Variants in SCOC observed in about 807,000 individuals in gnomAD.
The protein encoded by SCOC is short coiled coil protein.
A neutral mutation model predicts 9.9 loss-of-function variants in SCOC; 7 were observed. The ratio of observed to expected loss-of-function variants is 0.71; its 90% CI spans 0.40 to 1.33. SCOC has a LOEUF of 1.33. Ranked by LOEUF, SCOC falls within the 40% of genes most tolerant of loss-of-function variation. SCOC has a pLI of 0.01. For synonymous variants in SCOC, 19 were observed against 28.2 expected, an observed-to-expected ratio of 0.67 and a Z score of 1.03; for missense variants, 66 against 89.7, an observed-to-expected ratio of 0.74 and a Z score of 1.07.
At chr4:140,303,055 A>G (rs1731858037) in intron 1 of SCOC, among the ~76,000 whole-genome samples, 1 of 152,218 alleles carries the variant, frequency 6.6e-6, no homozygotes, top group Admixed American at 6.5e-5. Context: ...TGTGCCACAC[A>G]TGCTGGGACT....
At chr4:140,284,996 T>C (rs1205005640) in intron 1 of SCOC, 1 of 285,944 alleles carries the variant, frequency 3.5e-6, no homozygotes, top group Non-Finnish European at 7.0e-6. Flanking sequence ...AATTGAAAAC[T>C]CTCATGATAA....
chr4:140,287,350 T>G (rs1452277980), intron 1 of SCOC, among the ~76,000 whole-genome samples: 1 of 151,272 alleles, frequency 6.6e-6, no homozygotes, highest in Non-Finnish European at 1.5e-5. Flanking sequence ...ACACATCATG[T>G]GCACATGCCA....
chr4:140,280,181 A>G (rs1479694396), intron 1 of SCOC, among the ~76,000 whole-genome samples: 2 of 152,022 alleles, frequency 1.3e-5, no homozygotes, highest in South Asian at 2.1e-4. Context: ...CAGTGGCGTG[A>G]CCTCAGCTCA....
rs193090219 is a variant in SCOC, at chr4:140,336,011, C to T, written c.-18-7610C>T. ...TGTTTCAATAATAAAGATGTGCATT[C>T]TTATCTTGACCTCCTTTGATGCAGG... On this transcript the variant is annotated intron_variant, in intron 1 of 4. Transcript: ENST00000394205. 4.3e-3 allele frequency among the ~76,000 whole-genome samples: 655 copies of T among 152,200 alleles called. 5 individuals are homozygous for T. Among genetic ancestry groups the T allele is most frequent in the Non-Finnish European group, 6.9e-3 (466 of 68,008 alleles).
intron 1 of SCOC, among the ~76,000 whole-genome samples, chr4:140,264,310 GT>G (rs1306110323): frequency 6.6e-6 from 1 of 152,162 alleles, no homozygotes; most frequent in Non-Finnish European, 1.5e-5. Context: ...GAAGGAAGTG[GT>G]GGTTAATGTG....
chr4:140,314,866 C>CA (rs1377780654), intron 1 of SCOC, among the ~76,000 whole-genome samples: 2 of 151,854 alleles, frequency 1.3e-5, no homozygotes, highest in African/African-American at 4.8e-5. Context: ...TCCACCCCCC[C>CA]ACCAAGTTCT....
intron 1 of SCOC, among the ~76,000 whole-genome samples, chr4:140,310,587 T>C (rs1732124192): frequency 6.6e-6 from 1 of 152,226 alleles, no homozygotes; most frequent in Non-Finnish European, 1.5e-5. Context: ...CCCTCGTGCA[T>C]TCCTGCTTTG....
intron 2 of SCOC, among the ~76,000 whole-genome samples, chr4:140,357,381 T>C (rs192152011): frequency 6.6e-6 from 1 of 152,338 alleles, no homozygotes; most frequent in Non-Finnish European, 1.5e-5. Context: ...CCAGTAAATT[T>C]GTCTTCAAAT....
chr4:140,363,410 A>C (rs1267406873), intron 2 of SCOC, among the ~76,000 whole-genome samples: 1 of 152,202 alleles, frequency 6.6e-6, no homozygotes, highest in Admixed American at 6.5e-5. Context: ...AAATTCACAA[A>C]CTTCATAGCC....
At chr4:140,377,827 G>C (rs1019310015) in intron 1 of SCOC, among the ~76,000 whole-genome samples, 3 of 152,130 alleles carry the variant, frequency 2.0e-5, no homozygotes, top group Non-Finnish European at 2.9e-5. Context: ...TAATAGGTCT[G>C]CTTTCTACTG....
intron 1 of SCOC, among the ~76,000 whole-genome samples, chr4:140,287,123 TAC>T (rs1169354849): frequency 6.7e-6 from 1 of 148,870 alleles, no homozygotes; most frequent in Admixed American, 6.7e-5. Context: ...ACACACATGC[TAC>T]ACACACATCA....
In SCOC at chr4:140,272,953, G is replaced by A. The variant is rs778688231; in HGVS notation, c.-19+15543G>A. Among the ~76,000 whole-genome samples the A allele has an allele frequency of 2.0e-5, 3 of 152,264 alleles. No individual in the cohort carries two copies. In the East Asian group the frequency reaches 5.8e-4, roughly 29 times the overall value. On this transcript the variant is annotated intron_variant, in intron 1 of 4. Coordinates refer to the SCOC transcript ENST00000394205. The stretch of plus-strand genomic sequence containing the variant: ...CCATTCAGTGCCTTTCAAATTCTCC[G>A]AAGGCCCCTCTTTTCTTACTGTTTC...
intron 2 of SCOC, among the ~76,000 whole-genome samples, chr4:140,351,696 C>T (rs1726985960): frequency 1.3e-5 from 2 of 151,960 alleles, no homozygotes; most frequent in Admixed American, 1.3e-4. Flanking sequence ...GAAAAGCTTT[C>T]AGAAGGCCAT....
chr4:140,280,451 A>G (rs992357761), intron 1 of SCOC, among the ~76,000 whole-genome samples: 2 of 152,106 alleles, frequency 1.3e-5, no homozygotes, highest in South Asian at 2.1e-4. Flanking sequence ...TTTACTCACC[A>G]CTGTGTTTTC....
At chr4:140,355,583 G>A (rs1727192977) in intron 2 of SCOC, among the ~76,000 whole-genome samples, 1 of 152,152 alleles carries the variant, frequency 6.6e-6, no homozygotes, top group Admixed American at 6.6e-5. Context: ...TACTGACTAG[G>A]TAGAAGCAAT....
upstream of SCOC, among the ~76,000 whole-genome samples, chr4:140,369,772 G>C (rs1483682455): frequency 6.7e-6 from 1 of 150,232 alleles, no homozygotes; most frequent in East Asian, 2.0e-4. Context: ...CAGGTCGCAT[G>C]AATGTTCACC....
intron 1 of SCOC, chr4:140,374,415 A>C (rs1418723592): frequency 9.8e-6 from 3 of 306,618 alleles, no homozygotes; most frequent in Non-Finnish European, 1.9e-5. Flanking sequence ...ATGCCCGAGG[A>C]CCCAAAGCTG....
chr4:140,341,935 TC>T (rs1436737729), upstream of SCOC, among the ~76,000 whole-genome samples: 3 of 152,206 alleles, frequency 2.0e-5, no homozygotes, highest in Non-Finnish European at 2.9e-5. Context: ...AGCTGGACCT[TC>T]CATTCCACTT....
chr4:140,337,783 A>G (rs886834003), intron 1 of SCOC, among the ~76,000 whole-genome samples: 10 of 152,202 alleles, frequency 6.6e-5, no homozygotes, highest in Admixed American at 4.6e-4. Flanking sequence ...GACCAATAAC[A>G]GGCTCTGAAA....
Sources: allele counts gnomAD v4.1 joint callset (sites outside exome capture counted in the v4.1 genomes callset), GRCh38; gene constraint gnomAD v4.1.1; transcripts MANE v1.5; gene names NCBI Gene and HGNC (gene_info 2026-07-23, HGNC 2026-07-21).